VSIG1: variants seen among roughly 807,000 people sequenced by gnomAD.
VSIG1 encodes the protein V-set and immunoglobulin domain-containing protein 1.
In VSIG1, 11 loss-of-function variants were observed where a neutral mutation model predicts 20.1. The ratio of observed to expected loss-of-function variants is 0.55; its 90% CI spans 0.34 to 0.91. VSIG1 has a LOEUF of 0.91. Ranked by LOEUF, VSIG1 falls within the 40% of genes least tolerant of loss-of-function variation. VSIG1 has a pLI of 0.02. For synonymous variants in VSIG1, 126 were observed against 116.7 expected (o/e 1.08, Z -0.52); for missense variants, 283 against 298.8 (o/e 0.95, Z 0.39).
rs375736853 is a variant in VSIG1, at chrX:108,045,703, A to G, written c.49+524A>G. The stretch of plus-strand genomic sequence containing the variant: ...CTGTATTTTGCAAAATATGTGAGTG[A>G]TTTATGGTGCACAACATGGGTGATT... On this transcript the variant is annotated intron_variant, in intron 1 of 6. Coordinates refer to ENST00000217957, the MANE Select transcript of VSIG1 (RefSeq NM_182607.5). Among the ~76,000 whole-genome samples the G allele has an allele frequency of 5.3e-5, 6 of 112,271 alleles. No individual in the cohort carries two copies. The East Asian group carries it at 1.1e-3, about 21-fold the overall frequency.
chrX:108,072,599 A>T, intron 3 of VSIG1, 78 bp from the exon 4 acceptor site: 1 of 975,643 alleles, frequency 1.0e-6, no homozygotes, highest in Non-Finnish European at 1.4e-6. Context: ...ATTCAAAATG[A>T]AAGTGAGGAA....
At chrX:108,054,349 A>T in intron 1 of VSIG1, among the ~76,000 whole-genome samples, 3 of 111,989 alleles carry the variant, frequency 2.7e-5, no homozygotes, top group Middle Eastern at 9.3e-3. Flanking sequence ...CCTCTCAGAA[A>T]TTGATAAATC....
At chrX:108,051,831 T>C (rs1476395457) in intron 1 of VSIG1, among the ~76,000 whole-genome samples, 1 of 112,166 alleles carries the variant, frequency 8.9e-6, no homozygotes, top group Non-Finnish European at 1.9e-5. Flanking sequence ...TTCTGTCATT[T>C]GCTACAGCAT....
At chrX:108,061,438 G>T in intron 2 of VSIG1, 1 of 1,164,005 alleles carries the variant, frequency 8.6e-7, no homozygotes, top group Non-Finnish European at 1.1e-6. Flanking sequence ...CACAGCTCGT[G>T]CCTCAGTACT....
Position 108,077,031 on chromosome X carries a change from G to A in VSIG1, c.831-17G>A, listed in dbSNP as rs1490280804. On this transcript the variant is annotated splice_polypyrimidine_tract_variant and intron_variant, in intron 6 of 6. Transcript: ENST00000217957. ...CATCTCCCTAACTTGTTCTTTTCTGGGCCTTCTTTCTTGCAGGCCAATGAC... is the reference window on the plus strand; with the variant it reads ...CATCTCCCTAACTTGTTCTTTTCTGAGCCTTCTTTCTTGCAGGCCAATGAC... The A allele has an allele frequency of 2.5e-6, 3 of 1,189,476 alleles. No homozygotes were observed. Among genetic ancestry groups the A allele is most frequent in the Admixed American group, 2.3e-5 (1 of 42,702 alleles).
chrX:108,041,530 C>G (rs2030480069), upstream of VSIG1, among the ~76,000 whole-genome samples: 1 of 103,517 alleles, frequency 9.7e-6, no homozygotes, highest in Non-Finnish European at 2.0e-5. Flanking sequence ...ACAGTATTAT[C>G]ATCTTTATGT....
chrX:108,066,160 T>TAAA (rs2031121150), intron 2 of VSIG1, among the ~76,000 whole-genome samples: 1 of 111,786 alleles, frequency 8.9e-6, no homozygotes, highest in African/African-American at 3.3e-5. Flanking sequence ...ATAATAATAA[T>TAAA]AAATGAGCCC....
At chrX:108,047,935 CACATATATATATATATAT>C (rs2030664046) in intron 1 of VSIG1, among the ~76,000 whole-genome samples, 3 of 38,633 alleles carry the variant, frequency 7.8e-5, no homozygotes, top group Non-Finnish European at 1.2e-4. Context: ...TATATATATA[CACATATATATATATATAT>C]ACACACACAT....
intron 2 of VSIG1, among the ~76,000 whole-genome samples, chrX:108,061,015 C>T (rs1211863824): frequency 1.8e-5 from 2 of 112,348 alleles, no homozygotes; most frequent in Admixed American, 9.4e-5. Flanking sequence ...AGATCAGCTT[C>T]GAGTTCCACT....
At chrX:108,056,296 A>T (rs755371367) in intron 1 of VSIG1, among the ~76,000 whole-genome samples, 8 of 112,018 alleles carry the variant, frequency 7.1e-5, no homozygotes, top group African/African-American at 2.6e-4. Context: ...ACCTACAAGT[A>T]ACCTACAGCC....
chrX:108,051,992 G>A (rs1257200872), intron 1 of VSIG1, among the ~76,000 whole-genome samples: 1 of 111,421 alleles, frequency 9.0e-6, no homozygotes, highest in Non-Finnish European at 1.9e-5. Context: ...GAGGGAGTGG[G>A]AAATGGGGAG....
At chrX:108,052,661 C>T in intron 1 of VSIG1, among the ~76,000 whole-genome samples, 1 of 111,260 alleles carries the variant, frequency 9.0e-6, no homozygotes, top group South Asian at 3.8e-4. Flanking sequence ...GGATAAATTA[C>T]GTGAGGTGAT....
chrX:108,036,393 T>C, the VSIG1 span, among the ~76,000 whole-genome samples: 2 of 110,880 alleles, frequency 1.8e-5, no homozygotes, highest in African/African-American at 6.6e-5. Context: ...GTGATTTTTT[T>C]CCAAGCAATC....
upstream of VSIG1, among the ~76,000 whole-genome samples, chrX:108,041,900 C>T (rs775224234): frequency 9.2e-6 from 1 of 108,405 alleles, no homozygotes; most frequent in Admixed American, 1.0e-4. Flanking sequence ...GCTTCTAATG[C>T]GTGCTATGGT....
In VSIG1 at chrX:108,078,327, TGCCTGTAACCCTA is replaced by T. The variant is rs2031390432; in HGVS notation, c.*949_*961del. On this transcript the variant is annotated 3_prime_UTR_variant, in exon 7 of 7. Transcript: ENST00000217957. ...AAATTTAAAAAATAACACAATTTCT[TGCCTGTAACCCTA>T]GCACTTTGGGAGGCCGAGGCAGGTG... is the stretch of plus-strand genomic sequence containing the variant. 3 of 112,287 alleles carry T rather than the reference TGCCTGTAACCCTA, an allele frequency of 2.7e-5. No individual in the cohort carries two copies. In the South Asian group the frequency reaches 1.1e-3, roughly 42 times the overall value. The allele number at this position is 112,287 out of a possible 1,213,427, so 9.3% of individuals were successfully genotyped here.
At chrX:108,038,264 G>A in the VSIG1 span, among the ~76,000 whole-genome samples, 43 of 110,860 alleles carry the variant, frequency 3.9e-4, no homozygotes, top group Non-Finnish European at 6.6e-4. Context: ...CCCCAACCTC[G>A]TGACAGGCCC....
the VSIG1 span, among the ~76,000 whole-genome samples, chrX:108,035,569 A>G: frequency 9.1e-6 from 1 of 110,268 alleles, no homozygotes; most frequent in Admixed American, 9.7e-5. Context: ...AAATCCTCCC[A>G]GAATTCCTCT....
At chrX:108,020,408 T>C in the VSIG1 span, among the ~76,000 whole-genome samples, 1 of 112,331 alleles carries the variant, frequency 8.9e-6, no homozygotes, top group African/African-American at 3.2e-5. Context: ...ATTGCTTTTC[T>C]GTGTTATCTT....
the VSIG1 span, among the ~76,000 whole-genome samples, chrX:108,029,495 C>T: frequency 1.8e-5 from 2 of 112,120 alleles, no homozygotes; most frequent in African/African-American, 6.5e-5. Flanking sequence ...GGTCTGCCAG[C>T]CTGTTTTATG....
Sources: gnomAD v4.1 joint callset for allele counts (sites outside exome capture counted in the v4.1 genomes callset) on GRCh38, gnomAD v4.1.1 for gene constraint, MANE v1.5 for transcripts, NCBI Gene and HGNC (gene_info 2026-07-23, HGNC 2026-07-21) for gene names.